LIPJ: variants seen among roughly 807,000 people sequenced by gnomAD.
LIPJ encodes the protein lipase member J.
Under a neutral mutation model 39.8 loss-of-function variants are expected in LIPJ, and 33 were observed. The observed-to-expected ratio is 0.83, with a 90% CI of 0.63 to 1.11. The LOEUF is 1.11. LIPJ is among the 50% of genes least tolerant of loss of function. The pLI is 0.00. For synonymous variants in LIPJ, 128 were observed against 139.2 expected (o/e 0.92, Z 0.57); for missense variants, 422 against 427.9 (o/e 0.99, Z 0.12).
At chr10:88,614,674 G>A in the LIPJ span, among the ~76,000 whole-genome samples, 1 of 151,886 alleles carries the variant, frequency 6.6e-6, no homozygotes, top group African/African-American at 2.4e-5. Context: ...ATCCTTTTTT[G>A]TAAAAAAGTT....
intron 4 of LIPJ, chr10:88,593,200 C>CGCCT (rs1851138859): frequency 6.6e-6 from 1 of 151,664 alleles, no homozygotes; most frequent in Admixed American, 6.6e-5. Context: ...AGTGACCAGG[C>CGCCT]GGTGGTCATA....
upstream of LIPJ, chr10:88,583,885 G>T (rs959738678): frequency 4.9e-6 from 1 of 203,724 alleles, no homozygotes; most frequent in Non-Finnish European, 8.7e-6. Context: ...ATGTCAGAAC[G>T]CATTCCGTAT....
the LIPJ span, among the ~76,000 whole-genome samples, chr10:88,621,679 G>A: frequency 6.6e-6 from 1 of 152,002 alleles, no homozygotes; most frequent in Non-Finnish European, 1.5e-5. Context: ...TCATCAATAA[G>A]CCTGACCTAA....
downstream of LIPJ, among the ~76,000 whole-genome samples, chr10:88,607,362 G>A (rs111451750): frequency 2.0e-3 from 298 of 152,222 alleles, 1 homozygote; most frequent in African/African-American, 6.9e-3. Flanking sequence ...AAGAAGGAGA[G>A]CCTGGATGCC....
Position 88,597,922 on chromosome 10 carries a change from TA to T in LIPJ, c.723+987del, listed in dbSNP as rs1053182909. ...TAGGTAGTATATTTGGCCAATTCTATATTTTTTTGTAATTATAATGTGATGT... is the reference window on the plus strand; with the variant it reads ...TAGGTAGTATATTTGGCCAATTCTATTTTTTTTGTAATTATAATGTGATGT... On this transcript the variant is annotated intron_variant, in intron 8 of 10. Transcript: ENST00000371939. Among the ~76,000 whole-genome samples the T allele has an allele frequency of 5.6e-4, 85 of 152,118 alleles. 1 individual carries two copies. Among genetic ancestry groups the T allele is most frequent in the African/African-American group, 1.9e-3 (80 of 41,558 alleles).
upstream of LIPJ, chr10:88,584,453 C>T (rs866188684): frequency 5.3e-5 from 8 of 152,112 alleles, no homozygotes; most frequent in Middle Eastern, 3.4e-3. Context: ...GTCTTAAAGA[C>T]ACAAATGACA....
intron 10 of LIPJ, among the ~76,000 whole-genome samples, 169 bp from the exon 11 acceptor site, chr10:88,606,505 C>G (rs10736360): frequency 0.81 from 123,781 of 152,170 alleles, 51,122 homozygotes; most frequent in East Asian, 0.99. Context: ...AACTTGTAAT[C>G]CCTATTCATA....
chr10:88,583,241 G>C (rs948350062), upstream of LIPJ: 3 of 1,603,346 alleles, frequency 1.9e-6, no homozygotes, highest in Non-Finnish European at 2.6e-6. Context: ...GGGCCGTTCG[G>C]CCCGGGCTTT....
chr10:88,605,545 G>A (rs1187988602), intron 9 of LIPJ, 88 bp from the exon 10 acceptor site: 4 of 831,630 alleles, frequency 4.8e-6, no homozygotes, highest in Middle Eastern at 2.2e-4. Context: ...CCAGTACAAT[G>A]GGGGTATATA....
chr10:88,594,669 T>C (rs1337167172), exon 6 of LIPJ: 1 of 1,493,170 alleles, frequency 6.7e-7, no homozygotes, highest in South Asian at 1.4e-5. Flanking sequence ...TTTTGTAGTT[T>C]TGATGAGATG....
At chr10:88,583,125 C>T, upstream of LIPJ, 8 of 1,614,136 alleles carry the variant, frequency 5.0e-6, no homozygotes, top group Non-Finnish European at 6.8e-6. Flanking sequence ...CGGACGTCTG[C>T]CTCCTCAGCA....
At chr10:88,596,552 G>A (rs1225457874) in intron 7 of LIPJ, 136 bp downstream of exon 7, 2 of 983,458 alleles carry the variant, frequency 2.0e-6, no homozygotes, top group Non-Finnish European at 2.9e-6. Context: ...CTACATTCTT[G>A]TTTTTGTTTC....
upstream of LIPJ, chr10:88,584,592 TGTTGA>T (rs1850842950): frequency 6.6e-6 from 1 of 152,180 alleles, no homozygotes; most frequent in African/African-American, 2.4e-5. Context: ...ATTTTTCATT[TGTTGA>T]GTTTTTTGTT....
chr10:88,583,104 G>A (rs752866930), upstream of LIPJ: 1 of 1,614,104 alleles, frequency 6.2e-7, no homozygotes, highest in Admixed American at 1.7e-5. Flanking sequence ...ACACAGCAAG[G>A]TACAAGGGAC....
the LIPJ span, among the ~76,000 whole-genome samples, chr10:88,621,195 C>T: frequency 6.6e-6 from 1 of 152,160 alleles, no homozygotes; most frequent in Non-Finnish European, 1.5e-5. Flanking sequence ...TTTACACAAA[C>T]TCCTGTAGGC....
At chr10:88,610,431 G>A (rs993006305), downstream of LIPJ, among the ~76,000 whole-genome samples, 4 of 151,892 alleles carry the variant, frequency 2.6e-5, no homozygotes, top group African/African-American at 7.3e-5. Context: ...AGATAAATAC[G>A]TTCACATTGG....
the LIPJ span, among the ~76,000 whole-genome samples, chr10:88,622,103 T>G: frequency 1.7e-3 from 253 of 152,314 alleles, 3 homozygotes; most frequent in African/African-American, 5.9e-3. Flanking sequence ...CACCCTTGGC[T>G]GATAGAAAGC....
At chr10:88,587,128 C>T (rs1392241644) in intron 1 of LIPJ, 138 bp from the exon 2 acceptor site, 1 of 151,134 alleles carries the variant, frequency 6.6e-6, no homozygotes, top group Admixed American at 6.6e-5. Context: ...CACTAACAAC[C>T]TCTGTAGTGG....
intron 1 of LIPJ, 29 bp downstream of exon 1, chr10:88,586,874 G>A (rs1311427286): frequency 1.3e-5 from 2 of 152,026 alleles, no homozygotes; most frequent in Non-Finnish European, 2.9e-5. Context: ...GATCAGTGAC[G>A]TTGAACTTCT....
Sources: gnomAD v4.1 joint callset for allele counts (sites outside exome capture counted in the v4.1 genomes callset) on GRCh38, gnomAD v4.1.1 for gene constraint, MANE v1.5 for transcripts, NCBI Gene and HGNC (gene_info 2026-07-23, HGNC 2026-07-21) for gene names.